Variants in SLC24A2 observed in about 807,000 individuals in gnomAD.
SLC24A2 encodes the protein solute carrier family 24 member 2, also known as sodium/potassium/calcium exchanger 2.
SLC24A2 carries 36 observed loss-of-function variants against 62.0 expected under a neutral mutation model. The ratio of observed to expected loss-of-function variants is 0.58; its 90% CI spans 0.44 to 0.77. The LOEUF is 0.77. Ranked by LOEUF, SLC24A2 falls within the 30% of genes least tolerant of loss-of-function variation. SLC24A2 has a pLI of 0.00. For missense variants in SLC24A2, 846 were observed against 817.9 expected, an observed-to-expected ratio of 1.03 and a Z score of -0.42; for synonymous variants, 358 against 294.0, an observed-to-expected ratio of 1.22 and a Z score of -2.23.
At chr9:20,068,552 C>T in the SLC24A2 span, among the ~76,000 whole-genome samples, 1 of 152,248 alleles carries the variant, frequency 6.6e-6, no homozygotes, top group South Asian at 2.1e-4. Flanking sequence ...CTCTTGCCTC[C>T]TGAACAACTG....
the SLC24A2 span, among the ~76,000 whole-genome samples, chr9:19,914,496 T>G: frequency 1.3e-5 from 2 of 152,132 alleles, no homozygotes; most frequent in Admixed American, 6.6e-5. Context: ...TTGCTCATTT[T>G]TAATAATATA....
chr9:20,111,662 C>T, the SLC24A2 span, among the ~76,000 whole-genome samples: 49 of 152,150 alleles, frequency 3.2e-4, 1 homozygote, highest in East Asian at 9.3e-3. Context: ...GAATCTGCAT[C>T]TTAATAGGTT....
chr9:20,129,928 T>TACACACACACAC, the SLC24A2 span, among the ~76,000 whole-genome samples: 13,129 of 141,710 alleles, frequency 0.093, 780 homozygotes, highest in Non-Finnish European at 0.12. Context: ...TATAATTTAC[T>TACACACACACAC]ACACACACAC....
At chr9:20,093,710 G>A in the SLC24A2 span, among the ~76,000 whole-genome samples, 1 of 152,056 alleles carries the variant, frequency 6.6e-6, no homozygotes, top group Non-Finnish European at 1.5e-5. Context: ...GATTGTTAAT[G>A]GGTACAAAAA....
chr9:19,799,838 C>A, the SLC24A2 span, among the ~76,000 whole-genome samples: 4 of 152,190 alleles, frequency 2.6e-5, no homozygotes, highest in Non-Finnish European at 5.9e-5. Context: ...ATATTCATTT[C>A]TTTGGGCTGC....
the SLC24A2 span, among the ~76,000 whole-genome samples, chr9:20,050,186 T>A: frequency 2.9e-5 from 4 of 138,616 alleles, no homozygotes; most frequent in African/African-American, 1.1e-4. Flanking sequence ...ATTGAATCAG[T>A]GTAAAATAAA....
intron 2 of SLC24A2, among the ~76,000 whole-genome samples, chr9:19,634,212 A>C (rs968610751): frequency 1.3e-5 from 2 of 151,602 alleles, no homozygotes; most frequent in Non-Finnish European, 2.9e-5. Flanking sequence ...TAACTTGCCC[A>C]CAGCAATACA....
the SLC24A2 span, among the ~76,000 whole-genome samples, chr9:19,887,693 A>G: frequency 6.6e-6 from 1 of 152,172 alleles, no homozygotes; most frequent in African/African-American, 2.4e-5. Flanking sequence ...CAGCAATCCC[A>G]TTGCTGGGTA....
the SLC24A2 span, among the ~76,000 whole-genome samples, chr9:19,964,065 T>C: frequency 6.6e-6 from 1 of 151,896 alleles, no homozygotes; most frequent in Non-Finnish European, 1.5e-5. Flanking sequence ...TCATGTCCTT[T>C]GTAGGGACAT....
the SLC24A2 span, among the ~76,000 whole-genome samples, chr9:19,806,787 C>T: frequency 2.6e-5 from 4 of 152,190 alleles, no homozygotes; most frequent in African/African-American, 9.6e-5. Context: ...ATGCGACTCA[C>T]ATCACAGTCA....
chr9:19,530,330 A>G, intron 8 of SLC24A2, among the ~76,000 whole-genome samples: 1 of 152,180 alleles, frequency 6.6e-6, no homozygotes, highest in Middle Eastern at 3.4e-3. Flanking sequence ...TAGAGCCCCA[A>G]CCAATGGTTG....
chr9:19,665,479 G>T (rs1819224439), intron 2 of SLC24A2, among the ~76,000 whole-genome samples: 1 of 152,108 alleles, frequency 6.6e-6, no homozygotes. Flanking sequence ...AAACCTAATA[G>T]ACTTCAATTG....
At chr9:19,734,017 G>A (rs1314814562) in intron 2 of SLC24A2, among the ~76,000 whole-genome samples, 2 of 152,194 alleles carry the variant, frequency 1.3e-5, no homozygotes, top group Non-Finnish European at 2.9e-5. Flanking sequence ...AAGTCTCTCT[G>A]AGGAAGTAAC....
chr9:19,897,067 G>A, the SLC24A2 span, among the ~76,000 whole-genome samples: 4 of 152,140 alleles, frequency 2.6e-5, no homozygotes, highest in Admixed American at 1.3e-4. Flanking sequence ...TCCACATCAA[G>A]CCTTCTTCAT....
At chr9:19,715,690 AG>A (rs1820838221) in intron 2 of SLC24A2, among the ~76,000 whole-genome samples, 2 of 152,234 alleles carry the variant, frequency 1.3e-5, no homozygotes, top group African/African-American at 4.8e-5. Context: ...CATGCTCCTC[AG>A]AGGGCTGGAG....
the SLC24A2 span, among the ~76,000 whole-genome samples, chr9:20,272,327 T>C: frequency 1.3e-5 from 2 of 152,186 alleles, no homozygotes; most frequent in Non-Finnish European, 2.9e-5. Context: ...CCTACCATCA[T>C]CCAGAGAGAA....
chr9:19,603,423 C>CAGAT (rs760921750), intron 4 of SLC24A2, among the ~76,000 whole-genome samples: 1 of 151,860 alleles, frequency 6.6e-6, no homozygotes, highest in Non-Finnish European at 1.5e-5. Flanking sequence ...GTGCTGTGTA[C>CAGAT]AGATAGGCCT....
At chr9:19,710,368 G>A (rs1045444282) in intron 2 of SLC24A2, among the ~76,000 whole-genome samples, 3 of 152,076 alleles carry the variant, frequency 2.0e-5, no homozygotes, top group South Asian at 2.1e-4. Flanking sequence ...GAGAGGGCCC[G>A]GTATCACAGG....
chr9:20,054,535 G>A, the SLC24A2 span, among the ~76,000 whole-genome samples: 5 of 152,110 alleles, frequency 3.3e-5, no homozygotes, highest in Non-Finnish European at 7.4e-5. Context: ...CATCGCCCAA[G>A]CAGCATACAC....
Sources: gnomAD v4.1 joint callset for allele counts (sites outside exome capture counted in the v4.1 genomes callset) on GRCh38, gnomAD v4.1.1 for gene constraint, MANE v1.5 for transcripts, NCBI Gene and HGNC (gene_info 2026-07-23, HGNC 2026-07-21) for gene names.